The following PIWIL1 variants were observed in gnomAD, a reference collection of about 807,000 sequenced individuals.
PIWIL1 encodes the protein piwi-like protein 1.
PIWIL1 carries 73 observed loss-of-function variants against 114.4 expected under a neutral mutation model. That is an observed-to-expected ratio of 0.64 (90% CI 0.53 to 0.78). PIWIL1 has a LOEUF of 0.78. Among genes scored for constraint, PIWIL1 ranks in the 30% least tolerant of loss-of-function variants. The probability of loss-of-function intolerance (pLI) is 0.00; values close to 1 mark genes in which losing one functional copy is unlikely to be tolerated. For synonymous variants in PIWIL1, 375 were observed against 369.0 expected (o/e 1.02, Z -0.19); for missense variants, 723 against 1,063.1 (o/e 0.68, Z 4.45).
chr12:130,385,902 A>T, the PIWIL1 span, among the ~76,000 whole-genome samples: 46 of 152,352 alleles, frequency 3.0e-4, no homozygotes, highest in African/African-American at 1.1e-3. Context: ...GGTGACTGAA[A>T]TGATATTTAA....
rs201104805 is a variant in PIWIL1, at chr12:130,342,669, C to T, written c.78C>T (p.Ala26=). The T allele has an allele frequency of 2.9e-5, 46 of 1,609,168 alleles. No homozygotes were observed. Among genetic ancestry groups the T allele is most frequent in the African/African-American group, 6.7e-5 (5 of 74,846 alleles). ...QETAQLVGST[A]SQQPGYIQPR... ...CAGCGCAGCTGGTGGGCTCCACTGC[C>T]GTGAGTGCTTCACCGTTTCTGACTA... Residue 26 remains alanine (A), a splice_region_variant and synonymous_variant, in exon 2 of 21, where the codon GCC becomes GCT. Coordinates refer to ENST00000245255, the MANE Select transcript of PIWIL1 (RefSeq NM_004764.5).
rs752864311 is a variant in PIWIL1 at position 130,346,931 on chromosome 12, C to T, written c.532-10C>T. The T allele has an allele frequency of 8.1e-6, 13 of 1,608,940 alleles. No individual in the cohort carries two copies. The highest frequency in any genetic ancestry group is 3.4e-5 in the South Asian group (3 of 89,308). On this transcript the variant is annotated splice_polypyrimidine_tract_variant and intron_variant, in intron 5 of 20. Coordinates refer to ENST00000245255, the MANE Select transcript of PIWIL1 (RefSeq NM_004764.5). ...TTTAAAGTTTGGGTTTTCCACCTCTCTGGCTTCAGGTTACTGAAGTTTTTA... is the reference window on the plus strand; with the variant it reads ...TTTAAAGTTTGGGTTTTCCACCTCTTTGGCTTCAGGTTACTGAAGTTTTTA...
chr12:130,343,115 A>T lies in PIWIL1; in HGVS notation c.190+14A>T, dbSNP rs1435046020. 1 of 1,584,862 alleles carries T rather than the reference A, an allele frequency of 6.3e-7. No homozygotes were observed. Among genetic ancestry groups the T allele is most frequent in the South Asian group, 1.1e-5 (1 of 88,840 alleles). The stretch of plus-strand genomic sequence containing the variant: ...CCAAGTCACAAGGTGAAGAGAAAGT[A>T]AAAGGAAGTCTTAACAACTCTGTTC... On this transcript the variant is annotated intron_variant, in intron 3 of 20. Transcript: ENST00000245255.
Position 130,367,138 on chromosome 12 carries a change from GACTA to G in PIWIL1, c.2204_2207del (p.Leu735ArgfsTer2). 6.2e-7 allele frequency: 1 copy of G among 1,614,050 alleles called. No homozygotes were observed. The highest frequency in any genetic ancestry group is 8.5e-7 in the Non-Finnish European group (1 of 1,179,968). ...CATTCATCATCATTTTTAAGCCCTA[GACTA>G]ACGGTAATTGTGGTGAAGAAAAGAG... On this transcript the variant is annotated frameshift_variant, in exon 19 of 21. Coordinates refer to ENST00000245255, the MANE Select transcript of PIWIL1 (RefSeq NM_004764.5). LOFTEE classifies it high-confidence loss of function.
chr12:130,343,059 G>A lies in PIWIL1; in HGVS notation c.148G>A (p.Gly50Arg). 1 of 1,613,978 alleles carries A rather than the reference G, an allele frequency of 6.2e-7. No homozygotes were observed. ...PPAEGELFGR[G>R]RQRGTAGGTA... ...AGCAGAGGGGGAATTATTTGGCCGT[G>A]GACGGCAGAGAGGAACAGCAGGAGG... is the stretch of plus-strand genomic sequence containing the variant. Residue 50 changes from glycine to arginine, a missense_variant, in exon 3 of 21, where the codon GGA becomes AGA. This residue lies in a region of PIWIL1 where 91 missense variants were observed against 76.2 expected (regional missense o/e 1.19). Coordinates refer to ENST00000245255, the MANE Select transcript of PIWIL1 (RefSeq NM_004764.5).
At chr12:130,362,277 T>C (rs756248884) in intron 16 of PIWIL1, among the ~76,000 whole-genome samples, 1 of 152,178 alleles carries the variant, frequency 6.6e-6, no homozygotes, top group Admixed American at 6.5e-5. Context: ...TTTGCGTCCA[T>C]GAGTTCTCAT....
At chr12:130,412,240 A>C in the PIWIL1 span, among the ~76,000 whole-genome samples, 1 of 152,224 alleles carries the variant, frequency 6.6e-6, no homozygotes, top group African/African-American at 2.4e-5. Flanking sequence ...AATGAAAGGC[A>C]TAGCGGCCCC....
At chr12:130,354,305 A>G (rs1240176448) in intron 9 of PIWIL1, among the ~76,000 whole-genome samples, 1 of 152,176 alleles carries the variant, frequency 6.6e-6, no homozygotes, top group Non-Finnish European at 1.5e-5. Flanking sequence ...ACTGTCCTGG[A>G]CCATCACAGT....
At chr12:130,421,485 G>A in the PIWIL1 span, among the ~76,000 whole-genome samples, 1 of 152,184 alleles carries the variant, frequency 6.6e-6, no homozygotes, top group Non-Finnish European at 1.5e-5. Context: ...CAAAGAATCT[G>A]TTTTGCTTTA....
intron 9 of PIWIL1, among the ~76,000 whole-genome samples, chr12:130,350,596 C>T (rs964766615): frequency 6.6e-6 from 1 of 152,150 alleles, no homozygotes; most frequent in Admixed American, 6.5e-5. Context: ...AGAATGCATG[C>T]TAACATTGTT....
In PIWIL1 at chr12:130,357,119, G is replaced by A. The variant is rs1391668651; in HGVS notation, c.1592+14G>A. 6.3e-7 allele frequency: 1 copy of A among 1,595,476 alleles called. No homozygotes were observed. On this transcript the variant is annotated intron_variant, in intron 13 of 20. Transcript: ENST00000245255. ...AAAAGCAATAATGTAAGTTAATCAA[G>A]TCATTTCTGCTCTGAAAATTGCTTG...
chr12:130,404,738 A>T, the PIWIL1 span, among the ~76,000 whole-genome samples: 73 of 152,210 alleles, frequency 4.8e-4, no homozygotes, highest in Non-Finnish European at 8.7e-4. Flanking sequence ...TATTTCTTCC[A>T]AAAGCTAAAT....
intron 4 of PIWIL1, 63 bp from the exon 5 acceptor site, chr12:130,346,307 G>T: frequency 7.8e-7 from 1 of 1,287,948 alleles, no homozygotes; most frequent in South Asian, 1.3e-5. Context: ...TGTCATGGTA[G>T]GAAAGATTTC....
the PIWIL1 span, among the ~76,000 whole-genome samples, chr12:130,411,963 A>G: frequency 6.6e-6 from 1 of 152,238 alleles, no homozygotes; most frequent in Non-Finnish European, 1.5e-5. Context: ...ATGATATAAA[A>G]CTGATATCTC....
At chr12:130,340,646 T>TGGGGGGGGGGGGGGGGGGGGGGG (rs143005039) in intron 1 of PIWIL1, among the ~76,000 whole-genome samples, 2 of 72,802 alleles carry the variant, frequency 2.7e-5, no homozygotes, top group Admixed American at 1.5e-4. Flanking sequence ...GGAGGGGGGG[T>TGGGGGGGGGGGGGGGGGGGGGGG]GGGGGGAGGG....
chr12:130,352,016 G>A (rs2073226534), intron 9 of PIWIL1, among the ~76,000 whole-genome samples: 1 of 152,024 alleles, frequency 6.6e-6, no homozygotes, highest in Non-Finnish European at 1.5e-5. Flanking sequence ...ACTAAACATA[G>A]GGTTGTGTCC....
intron 19 of PIWIL1, among the ~76,000 whole-genome samples, chr12:130,368,027 GC>G (rs2073716389): frequency 6.6e-6 from 1 of 152,122 alleles, no homozygotes; most frequent in African/African-American, 2.4e-5. Context: ...CAAACTCCTG[GC>G]CTCAAGTGAT....
chr12:130,406,442 C>T, the PIWIL1 span, among the ~76,000 whole-genome samples: 15 of 152,302 alleles, frequency 9.8e-5, no homozygotes, highest in East Asian at 1.9e-3. Context: ...AGATAATGTG[C>T]ACCTAAAAGG....
At chr12:130,423,061 C>T in the PIWIL1 span, among the ~76,000 whole-genome samples, 1 of 152,206 alleles carries the variant, frequency 6.6e-6, no homozygotes, top group Non-Finnish European at 1.5e-5. Context: ...CTTCAAAACT[C>T]AACATTCTAC....
Sources: allele counts gnomAD v4.1 joint callset (sites outside exome capture counted in the v4.1 genomes callset), GRCh38; gene constraint gnomAD v4.1.1; regional missense constraint gnomAD v4.1.1; transcripts MANE v1.5; gene names NCBI Gene and HGNC (gene_info 2026-07-23, HGNC 2026-07-21).